Variants in PCDH15 observed in about 807,000 individuals in gnomAD.
PCDH15 encodes the protein protocadherin related 15.
In PCDH15, 129 loss-of-function variants were observed where a neutral mutation model predicts 178.5. That is an observed-to-expected ratio of 0.72 (90% CI 0.63 to 0.84). The LOEUF is 0.84. Ranked by LOEUF, PCDH15 falls within the 40% of genes least tolerant of loss-of-function variation. The probability of loss-of-function intolerance (pLI) is 0.00; values close to 1 mark genes in which losing one functional copy is unlikely to be tolerated. For missense variants in PCDH15, 2,230 were observed against 2,099.9 expected, an observed-to-expected ratio of 1.06 and a Z score of -1.21; for synonymous variants, 800 against 732.0, an observed-to-expected ratio of 1.09 and a Z score of -1.50.
intron 3 of PCDH15, among the ~76,000 whole-genome samples, chr10:54,502,706 A>G (rs1451207462): frequency 6.6e-6 from 1 of 152,092 alleles, no homozygotes; most frequent in Non-Finnish European, 1.5e-5. Flanking sequence ...CCTCAATTTT[A>G]TAAATAATAA....
chr10:55,206,029 A>G (rs1840389911), intron 1 of PCDH15, among the ~76,000 whole-genome samples: 1 of 151,940 alleles, frequency 6.6e-6, no homozygotes, highest in South Asian at 2.1e-4. Context: ...CCAAGATTCA[A>G]TGATCTCCCA....
chr10:55,613,024 T>TTA, intron 2 of PCDH15, among the ~76,000 whole-genome samples: 1 of 145,364 alleles, frequency 6.9e-6, no homozygotes, highest in African/African-American at 2.6e-5. Context: ...CAGATTTTTT[T>TTA]TTTTTTTTTT....
chr10:54,660,954 A>T (rs2094480826), intron 2 of PCDH15, among the ~76,000 whole-genome samples: 1 of 152,108 alleles, frequency 6.6e-6, no homozygotes, highest in Non-Finnish European at 1.5e-5. Flanking sequence ...ATTGAAAAAA[A>T]CATACTGCAA....
At chr10:54,754,219 C>A (rs1946756649) in intron 1 of PCDH15, among the ~76,000 whole-genome samples, 1 of 151,912 alleles carries the variant, frequency 6.6e-6, no homozygotes, top group Admixed American at 6.6e-5. Context: ...TAGATTAGTT[C>A]CTTTAGATTA....
At chr10:54,957,963 GAAAAA>G (rs1483364987) in intron 2 of PCDH15, among the ~76,000 whole-genome samples, 3 of 151,652 alleles carry the variant, frequency 2.0e-5, no homozygotes, top group African/African-American at 7.2e-5. Context: ...CTACCAGGAA[GAAAAA>G]AGGTTGACCC....
At chr10:54,023,266 C>T in intron 18 of PCDH15, 69 bp from the exon 19 acceptor site, 1 of 1,436,352 alleles carries the variant, frequency 7.0e-7, no homozygotes, top group Non-Finnish European at 9.6e-7. Context: ...ATGAAGGTAA[C>T]AGTTAACAAA....
intron 8 of PCDH15, among the ~76,000 whole-genome samples, chr10:54,304,412 T>C: frequency 6.6e-6 from 1 of 152,112 alleles, no homozygotes; most frequent in South Asian, 2.1e-4. Flanking sequence ...TCCTGAAACC[T>C]GATATTGATT....
At chr10:54,506,466 T>C (rs553489233) in intron 3 of PCDH15, among the ~76,000 whole-genome samples, 235 of 152,124 alleles carry the variant, frequency 1.5e-3, no homozygotes, top group South Asian at 3.5e-3. Flanking sequence ...TTTATAAAAA[T>C]GGAACAAAGT....
chr10:55,423,221 T>C (rs1838667804), intron 2 of PCDH15, among the ~76,000 whole-genome samples: 1 of 151,900 alleles, frequency 6.6e-6, no homozygotes, highest in African/African-American at 2.4e-5. Context: ...GGGTGAACAA[T>C]AGATAAAATT....
chr10:54,107,104 G>A (rs997466603), intron 15 of PCDH15, among the ~76,000 whole-genome samples: 8 of 151,832 alleles, frequency 5.3e-5, no homozygotes, highest in Non-Finnish European at 7.4e-5. Flanking sequence ...TAATTTTCAC[G>A]TATTAATATT....
intron 2 of PCDH15, among the ~76,000 whole-genome samples, chr10:54,573,346 T>G (rs1238159339): frequency 6.6e-6 from 1 of 152,192 alleles, no homozygotes; most frequent in Non-Finnish European, 1.5e-5. Flanking sequence ...AGGCTGTGTT[T>G]ACAATAAGGT....
At chr10:54,029,372 T>C (rs2135403275) in intron 18 of PCDH15, among the ~76,000 whole-genome samples, 1 of 152,330 alleles carries the variant, frequency 6.6e-6, no homozygotes, top group Non-Finnish European at 1.5e-5. Context: ...CCCCTTGTAC[T>C]ACATCAAAGC....
At chr10:54,121,062 GAA>G (rs59572644) in intron 15 of PCDH15, among the ~76,000 whole-genome samples, 8 of 122,728 alleles carry the variant, frequency 6.5e-5, no homozygotes, top group East Asian at 2.0e-4. Context: ...CTCAGCAAAT[GAA>G]AAAAAAAAAA....
At chr10:54,271,855 T>C (rs1300842670) in intron 8 of PCDH15, among the ~76,000 whole-genome samples, 1 of 151,514 alleles carries the variant, frequency 6.6e-6, no homozygotes, top group Non-Finnish European at 1.5e-5. Context: ...TAGAATATTG[T>C]AGGGGTACAG....
At chr10:55,216,170 TGTTA>T (rs1840696578) in intron 1 of PCDH15, among the ~76,000 whole-genome samples, 1 of 151,762 alleles carries the variant, frequency 6.6e-6, no homozygotes, top group African/African-American at 2.4e-5. Flanking sequence ...GCTCAACAAA[TGTTA>T]GTTTATATTG....
intron 2 of PCDH15, among the ~76,000 whole-genome samples, chr10:55,506,484 G>A (rs536915975): frequency 1.5e-4 from 23 of 151,664 alleles, no homozygotes; most frequent in African/African-American, 5.1e-4. Flanking sequence ...AGCTATGTGA[G>A]TAGAGAGCTA....
At chr10:53,831,621 AT>A in intron 29 of PCDH15, 88 bp from the exon 30 acceptor site, 1 of 924,654 alleles carries the variant, frequency 1.1e-6, no homozygotes, top group South Asian at 1.5e-5. Context: ...ATCTTTCAAT[AT>A]TTTCTCTAAT....
intron 2 of PCDH15, among the ~76,000 whole-genome samples, chr10:55,344,372 A>T (rs1844686285): frequency 6.6e-6 from 1 of 152,100 alleles, no homozygotes; most frequent in African/African-American, 2.4e-5. Flanking sequence ...TATGAATAAA[A>T]TTCATGGGGT....
In PCDH15 at chr10:54,920,490, A is replaced by T. The variant is rs1355212568; in HGVS notation, c.-79-22990T>A. On this transcript the variant is annotated intron_variant, in intron 2 of 5. Coordinates refer to the PCDH15 transcript ENST00000458638. ...TCTCAAAAAAAAAAAAAAAAAAAAA[A>T]AAAAATCTCCAGTGTGTGTATATAT... Among the ~76,000 whole-genome samples the T allele has an allele frequency of 5.9e-5, 9 of 151,556 alleles. No homozygotes were observed. The East Asian group carries it at 1.7e-3, about 29-fold the overall frequency.
Sources: allele counts gnomAD v4.1 joint callset (sites outside exome capture counted in the v4.1 genomes callset), GRCh38; gene constraint gnomAD v4.1.1; transcripts MANE v1.5; gene names NCBI Gene and HGNC (gene_info 2026-07-23, HGNC 2026-07-21).